Variants in CTIF observed in about 807,000 individuals in gnomAD.
The protein encoded by CTIF is CBP80/20-dependent translation initiation factor.
A neutral mutation model predicts 66.0 loss-of-function variants in CTIF; 21 were observed. That is an observed-to-expected ratio of 0.32 (90% CI 0.23 to 0.46). CTIF has a LOEUF of 0.46. CTIF is among the 20% of genes least tolerant of loss of function. The pLI is 1.00. For synonymous variants in CTIF, 345 were observed against 326.4 expected, an observed-to-expected ratio of 1.06 and a Z score of -0.62; for missense variants, 739 against 812.7, an observed-to-expected ratio of 0.91 and a Z score of 1.10.
intron 2 of CTIF, among the ~76,000 whole-genome samples, chr18:48,633,691 G>A (rs1233578981): frequency 7.1e-6 from 1 of 141,112 alleles, no homozygotes; most frequent in African/African-American, 2.9e-5. Context: ...GACAGAATGA[G>A]CCTCCATCTC....
At chr18:48,646,518 G>A (rs1001668643) in intron 3 of CTIF, among the ~76,000 whole-genome samples, 5 of 151,850 alleles carry the variant, frequency 3.3e-5, no homozygotes, top group Admixed American at 2.0e-4. Context: ...AGGCCGAGGC[G>A]GGTGGATTGC....
chr18:48,581,295 T>G (rs994172749), intron 1 of CTIF, among the ~76,000 whole-genome samples: 1 of 152,224 alleles, frequency 6.6e-6, no homozygotes, highest in Non-Finnish European at 1.5e-5. Context: ...GTGTAACTTA[T>G]CTGCCCTGTG....
At chr18:48,562,136 T>C (rs976978508) in intron 1 of CTIF, among the ~76,000 whole-genome samples, 3 of 152,248 alleles carry the variant, frequency 2.0e-5, no homozygotes, top group African/African-American at 4.8e-5. Context: ...CAACTCTTCT[T>C]TATTTTTAAC....
At chr18:48,683,955 G>T (rs958160305) in intron 6 of CTIF, among the ~76,000 whole-genome samples, 2 of 152,224 alleles carry the variant, frequency 1.3e-5, no homozygotes, top group African/African-American at 4.8e-5. Flanking sequence ...CTAGTTCTAT[G>T]TTGAGTGGCC....
At chr18:48,848,129 T>G (rs943261164) in intron 10 of CTIF, among the ~76,000 whole-genome samples, 6 of 152,174 alleles carry the variant, frequency 3.9e-5, no homozygotes, top group Non-Finnish European at 7.4e-5. Context: ...CCCCTTTGTC[T>G]CCACTGTCAG....
Position 48,862,194 on chromosome 18 carries a change from T to C in CTIF, c.*2635T>C, listed in dbSNP as rs1193663783. The C allele has an allele frequency of 6.6e-6, 1 of 152,190 alleles. No individual in the cohort carries two copies. Among genetic ancestry groups the C allele is most frequent in the Non-Finnish European group, 1.5e-5 (1 of 68,064 alleles). The allele number at this position is 152,190 out of a possible 1,614,324, so 9.4% of individuals were successfully genotyped here. ...GCCCCCTCCCCAAGTCCATCCCCTC[T>C]CTGTGGCATGAGGAAGGCCGCGTCC... is the stretch of plus-strand genomic sequence containing the variant. On this transcript the variant is annotated 3_prime_UTR_variant, in exon 12 of 12. Transcript: ENST00000256413.
At chr18:48,638,988 A>G (rs1016320521) in intron 3 of CTIF, among the ~76,000 whole-genome samples, 7 of 152,212 alleles carry the variant, frequency 4.6e-5, no homozygotes, top group African/African-American at 1.7e-4. Flanking sequence ...TGGCCGACTG[A>G]TCATCTCAGA....
chr18:48,591,648 C>A (rs927109771), intron 1 of CTIF, among the ~76,000 whole-genome samples: 1 of 152,266 alleles, frequency 6.6e-6, no homozygotes, highest in African/African-American at 2.4e-5. Flanking sequence ...GTAGGCAGGG[C>A]CAGTACTTGT....
chr18:48,709,482 G>A (rs2092199361), intron 6 of CTIF, among the ~76,000 whole-genome samples: 1 of 152,258 alleles, frequency 6.6e-6, no homozygotes, highest in African/African-American at 2.4e-5. Flanking sequence ...ACACCGAGGA[G>A]GCTGGCACCC....
intron 6 of CTIF, chr18:48,688,144 G>A (rs1004583778): frequency 6.6e-6 from 1 of 152,218 alleles, no homozygotes; most frequent in Admixed American, 6.5e-5. Context: ...AAACCTCAGA[G>A]CTTAGTCTGG....
In CTIF at chr18:48,862,225, G is replaced by C. The variant is rs992244472; in HGVS notation, c.*2666G>C. 1.3e-5 allele frequency: 2 copies of C among 152,132 alleles called. No individual in the cohort carries two copies. Among genetic ancestry groups the C allele is most frequent in the Admixed American group, 6.5e-5 (1 of 15,276 alleles). The allele number at this position is 152,132 out of a possible 1,614,324, so 9.4% of individuals were successfully genotyped here. A position where few individuals can be genotyped will look rare whatever the true frequency, so the allele number is the denominator to read the frequency against. ...GCATGAGGAAGGCCGCGTCCGAGTTGACCTCTGAATGTATGTGATGAGAGG... is the reference window on the plus strand; with the variant it reads ...GCATGAGGAAGGCCGCGTCCGAGTTCACCTCTGAATGTATGTGATGAGAGG... On this transcript the variant is annotated 3_prime_UTR_variant, in exon 12 of 12. Transcript: ENST00000256413.
chr18:48,759,804 A>AT (rs1481862499), intron 8 of CTIF, among the ~76,000 whole-genome samples: 1 of 152,202 alleles, frequency 6.6e-6, no homozygotes, highest in African/African-American at 2.4e-5. Flanking sequence ...ACATGGGGGA[A>AT]TGGAACAGAG....
intron 7 of CTIF, among the ~76,000 whole-genome samples, chr18:48,732,004 G>A (rs547385980): frequency 6.2e-4 from 95 of 152,200 alleles, no homozygotes; most frequent in Non-Finnish European, 1.2e-3. Context: ...GGCTCCATTC[G>A]GCCCACAGGC....
intron 5 of CTIF, among the ~76,000 whole-genome samples, chr18:48,665,703 T>C (rs1345679026): frequency 6.6e-6 from 1 of 152,238 alleles, no homozygotes; most frequent in Non-Finnish European, 1.5e-5. Context: ...TTAATCTATT[T>C]TGCATACTTA....
chr18:48,757,272 T>C (rs1273898563), intron 7 of CTIF, among the ~76,000 whole-genome samples: 1 of 152,084 alleles, frequency 6.6e-6, no homozygotes, highest in African/African-American at 2.4e-5. Flanking sequence ...TCTGAAGTAT[T>C]GGGGGTTAAG....
At chr18:48,817,470 C>A in intron 10 of CTIF, 94 bp downstream of exon 10, 1 of 1,466,928 alleles carries the variant, frequency 6.8e-7, no homozygotes, top group Non-Finnish European at 9.2e-7. Context: ...TGAGGGTAGG[C>A]TCACTTAGAA....
At chr18:48,694,060 T>C (rs2091971901) in intron 6 of CTIF, among the ~76,000 whole-genome samples, 1 of 152,266 alleles carries the variant, frequency 6.6e-6, no homozygotes, top group Admixed American at 6.5e-5. Flanking sequence ...GTGGCTGTGC[T>C]GACAATAAGT....
At chr18:48,729,783 T>G (rs1243418128) in intron 7 of CTIF, among the ~76,000 whole-genome samples, 1 of 152,122 alleles carries the variant, frequency 6.6e-6, no homozygotes, top group East Asian at 1.9e-4. Context: ...CCAGATATGG[T>G]GGGGGTTCAG....
intron 2 of CTIF, 55 bp from the exon 3 acceptor site, chr18:48,636,559 G>T: frequency 7.5e-7 from 1 of 1,329,450 alleles, no homozygotes; most frequent in Non-Finnish European, 1.0e-6. Context: ...GCCTGGCAGA[G>T]TGAGCATGGG....
Sources: gnomAD v4.1 joint callset for allele counts (sites outside exome capture counted in the v4.1 genomes callset) on GRCh38, gnomAD v4.1.1 for gene constraint, MANE v1.5 for transcripts, NCBI Gene and HGNC (gene_info 2026-07-23, HGNC 2026-07-21) for gene names.